Variants in INTS10 observed in about 807,000 individuals in gnomAD.
INTS10 encodes the protein integrator complex subunit 10.
In INTS10, 44 loss-of-function variants were observed where a neutral mutation model predicts 94.4. That is an observed-to-expected ratio of 0.47 (90% CI 0.37 to 0.60). The LOEUF (loss-of-function observed/expected upper bound fraction) is 0.60. Among genes scored for constraint, INTS10 ranks in the 20% least tolerant of loss-of-function variants. The pLI, the probability that INTS10 is intolerant of heterozygous loss-of-function variation, is 0.00. For missense variants in INTS10, 797 were observed against 868.7 expected, an observed-to-expected ratio of 0.92 and a Z score of 1.04; for synonymous variants, 341 against 320.7, an observed-to-expected ratio of 1.06 and a Z score of -0.68.
chr8:19,835,813 G>A lies in INTS10; in HGVS notation c.1531-1239G>A, dbSNP rs573003617. Among the ~76,000 whole-genome samples, 5 of 152,308 alleles carry A rather than the reference G, an allele frequency of 3.3e-5. No individual in the cohort carries two copies. In the South Asian group the frequency reaches 1.0e-3, roughly 32 times the overall value. On this transcript the variant is annotated intron_variant, in intron 12 of 16. Coordinates refer to ENST00000397977, the MANE Select transcript of INTS10 (RefSeq NM_018142.4). ...TTGGGGCAGTCAGCCATGACCTAGG[G>A]CTGCTGGGGCCACCCAAGGTCAATT... is the stretch of plus-strand genomic sequence containing the variant.
At chr8:19,845,296 C>T (rs1320924627) in intron 15 of INTS10, 1 of 162,720 alleles carries the variant, frequency 6.1e-6, no homozygotes, top group Non-Finnish European at 1.4e-5. Context: ...ACCAAAGAAT[C>T]CTCCCTACTT....
At chr8:19,840,062 C>CAAAAAAA (rs56275270) in intron 13 of INTS10, among the ~76,000 whole-genome samples, 4 of 70,334 alleles carry the variant, frequency 5.7e-5, no homozygotes, top group Non-Finnish European at 7.6e-5. Context: ...GACCTTGTCT[C>CAAAAAAA]AAAAAAAAAA....
At chr8:19,848,731 A>G (rs2068777564) in intron 16 of INTS10, 1 of 152,752 alleles carries the variant, frequency 6.5e-6, no homozygotes, top group Non-Finnish European at 1.5e-5. Context: ...AGTCCTGTTA[A>G]AGATGGTTAC....
chr8:19,817,463 G>A lies in INTS10; in HGVS notation c.-75G>A. On this transcript the variant is annotated 5_prime_UTR_variant, in exon 1 of 17. Coordinates refer to ENST00000397977, the MANE Select transcript of INTS10 (RefSeq NM_018142.4). The stretch of plus-strand genomic sequence containing the variant: ...CGCGGTGGCGGCGGCGGCGGCGGTG[G>A]CTGCCGTGGCGGCTGAGAGTCCAGA... 1 of 1,540,258 alleles carries A rather than the reference G, an allele frequency of 6.5e-7. No individual in the cohort carries two copies. The highest frequency in any genetic ancestry group is 2.0e-5 in the Admixed American group (1 of 50,002).
chr8:19,823,122 C>T (rs2066515786), intron 5 of INTS10, among the ~76,000 whole-genome samples, 179 bp from the exon 6 acceptor site: 2 of 152,158 alleles, frequency 1.3e-5, no homozygotes, highest in South Asian at 4.1e-4. Flanking sequence ...TGTTTCCTCC[C>T]TGACTCCAGC....
At chr8:19,830,845 T>G (rs942820770) in intron 10 of INTS10, among the ~76,000 whole-genome samples, 1 of 152,194 alleles carries the variant, frequency 6.6e-6, no homozygotes, top group African/African-American at 2.4e-5. Flanking sequence ...GCTAACTTTT[T>G]GTATTTTTAG....
chr8:19,819,577 G>A lies in INTS10; in HGVS notation c.202G>A (p.Val68Met). 2 of 1,608,796 alleles carry A rather than the reference G, an allele frequency of 1.2e-6. No homozygotes were observed. The highest frequency in any genetic ancestry group is 1.7e-5 in the Admixed American group (1 of 59,922). Residue 68 changes from valine (V) to methionine (M), a missense_variant, in exon 3 of 17, where the codon GTG becomes ATG. Around this residue, in one of 3 missense-constraint regions of INTS10, gnomAD observed 734 missense variants for 787.8 expected, o/e 0.93. Transcript: ENST00000397977. Reference sequence around the variant, plus strand: ...ATGTATTTATTTTAAAAATAGGTTTGTGAATTTCCCAGACCAGCCGGTGGT... The same window carrying A: ...ATGTATTTATTTTAAAAATAGGTTTATGAATTTCCCAGACCAGCCGGTGGT... ...TAGRLLYDMF[V>M]NFPDQPVVWR...
rs1392671911 is a variant in INTS10 at position 19,849,672 on chromosome 8, A to G, written c.1977-1977A>G. On this transcript the variant is annotated intron_variant, in intron 16 of 16. Transcript: ENST00000397977. The surrounding 1 kb of genome is among the most constrained non-coding windows in gnomAD (Gnocchi z 4.6). ...TCATATTAGCAATTAGTTGCCTGGTATCTAAATAGGCACTAATGTGTTTTT... is the reference window on the plus strand; with the variant it reads ...TCATATTAGCAATTAGTTGCCTGGTGTCTAAATAGGCACTAATGTGTTTTT... Among the ~76,000 whole-genome samples the G allele has an allele frequency of 6.6e-6, 1 of 152,192 alleles. No homozygotes were observed. The highest frequency in any genetic ancestry group is 1.5e-5 in the Non-Finnish European group (1 of 68,034).
rs908907041 is a variant in INTS10, at chr8:19,820,379, G to C, written c.302G>C (p.Ser101Thr). ...TAAAAGTGAAATATGTTTCGTACAGGTTTATTTGAAACTCTTCCTGGTCGG... is the reference window on the plus strand; with the variant it reads ...TAAAAGTGAAATATGTTTCGTACAGCTTTATTTGAAACTCTTCCTGGTCGG... ...SQDKQTQFLR[S>T]LFETLPGRVQ... The change falls in exon 4 of 17, where the codon AGT becomes ACT. Residue 101 changes from serine to threonine, a missense_variant and splice_region_variant. This residue lies in a region of INTS10 where 734 missense variants were observed against 787.8 expected (regional missense o/e 0.93). Coordinates refer to ENST00000397977, the MANE Select transcript of INTS10 (RefSeq NM_018142.4). The C allele has an allele frequency of 6.2e-7, 1 of 1,608,672 alleles. No homozygotes were observed. The highest frequency in any genetic ancestry group is 8.5e-7 in the Non-Finnish European group (1 of 1,176,768).
At position 19,840,327 on chromosome 8, in the gene INTS10, A is replaced by G. The variant is rs894236120; in HGVS notation, c.1640-2521A>G. Among the ~76,000 whole-genome samples the G allele has an allele frequency of 5.3e-5, 8 of 152,192 alleles. No individual in the cohort carries two copies. In the South Asian group the frequency reaches 8.3e-4, roughly 16 times the overall value. The stretch of plus-strand genomic sequence containing the variant: ...TCATGTTTCTATATCAGAAGATTCA[A>G]TATTATTATGGTGCCAGTTCTCCCC... On this transcript the variant is annotated intron_variant, in intron 13 of 16. Transcript: ENST00000397977.
At chr8:19,836,628 T>A (rs2067684622) in intron 12 of INTS10, among the ~76,000 whole-genome samples, 1 of 152,220 alleles carries the variant, frequency 6.6e-6, no homozygotes, top group African/African-American at 2.4e-5. Flanking sequence ...CCTGTGTGTA[T>A]TTTCTCCTGC....
rs757467559 is a variant in INTS10 at position 19,844,162 on chromosome 8, T to A, written c.1806T>A (p.Asn602Lys). 3 of 1,613,914 alleles carry A rather than the reference T, an allele frequency of 1.9e-6. No individual in the cohort carries two copies. The South Asian group carries it at 3.3e-5, about 18-fold the overall frequency. The part of the protein sequence containing the change: ...LLQQEWPRGE[N>K]LFLKAVNKIC... ...AGCAAGAGTGGCCACGGGGCGAGAATCTTTTCCTGAAAGCTGTCAATAAAA... is the reference window on the plus strand; with the variant it reads ...AGCAAGAGTGGCCACGGGGCGAGAAACTTTTCCTGAAAGCTGTCAATAAAA... The change falls in exon 15 of 17, where the codon AAT becomes AAA. Residue 602 changes from asparagine (N) to lysine (K), a missense_variant. Asn to Lys is a moderately conservative substitution (Grantham distance 94). Around this residue, in one of 3 missense-constraint regions of INTS10, gnomAD observed 734 missense variants for 787.8 expected, o/e 0.93. Coordinates refer to ENST00000397977, the MANE Select transcript of INTS10 (RefSeq NM_018142.4).
chr8:19,835,348 C>T (rs892894342), intron 12 of INTS10, among the ~76,000 whole-genome samples: 4 of 152,072 alleles, frequency 2.6e-5, no homozygotes, highest in Non-Finnish European at 5.9e-5. Flanking sequence ...GTGTTGAATC[C>T]CGCTGTTGGC....
chr8:19,824,992 A>G lies in INTS10; in HGVS notation c.1006+20A>G. On this transcript the variant is annotated intron_variant, in intron 8 of 16. Transcript: ENST00000397977. ...TCCAAGGTTGGTTTACAAATTTTAG[A>G]GTGTCCAAAAAGCCAGTTCATACTG... 6.2e-7 allele frequency: 1 copy of G among 1,609,128 alleles called. No homozygotes were observed. The highest frequency in any genetic ancestry group is 8.5e-7 in the Non-Finnish European group (1 of 1,176,208).
At chr8:19,832,833 A>G (rs562930890) in intron 11 of INTS10, among the ~76,000 whole-genome samples, 2 of 152,304 alleles carry the variant, frequency 1.3e-5, no homozygotes, top group African/African-American at 4.8e-5. Flanking sequence ...TTCATAAAGG[A>G]GAAGTGGTGC....
chr8:19,824,839 C>T lies in INTS10; in HGVS notation c.873C>T (p.Leu291=). The T allele has an allele frequency of 1.9e-6, 3 of 1,612,178 alleles. No homozygotes were observed. Among genetic ancestry groups the T allele is most frequent in the East Asian group, 2.2e-5 (1 of 44,838 alleles). Residue 291 remains leucine (L), a synonymous_variant, in exon 8 of 17, where the codon CTC becomes CTT. Coordinates refer to ENST00000397977, the MANE Select transcript of INTS10 (RefSeq NM_018142.4). ...YGDILHRMKD[L]CRYMNNFDSE... ...ATATTTTGCATAGAATGAAGGATCT[C>T]TGCAGATACATGAACAACTTTGATA...
intron 13 of INTS10, among the ~76,000 whole-genome samples, chr8:19,839,391 A>C (rs960720459): frequency 3.3e-5 from 5 of 151,852 alleles, no homozygotes; most frequent in Non-Finnish European, 7.4e-5. Flanking sequence ...GACAAATATG[A>C]GTACCTTTAT....
At chr8:19,840,406 G>A (rs954283205) in intron 13 of INTS10, among the ~76,000 whole-genome samples, 2 of 152,068 alleles carry the variant, frequency 1.3e-5, no homozygotes, top group Non-Finnish European at 2.9e-5. Flanking sequence ...CAGACTTTAC[G>A]GTTTTTGGTG....
rs1297037672 is a variant in INTS10 at position 19,830,485 on chromosome 8, C to T, written c.1220C>T (p.Thr407Ile). The change falls in exon 10 of 17, where the codon ACT becomes ATT. Residue 407 changes from threonine (T) to isoleucine (I), a missense_variant. Thr to Ile is a moderately conservative substitution (Grantham distance 89). This residue lies in a region of INTS10 where 734 missense variants were observed against 787.8 expected (regional missense o/e 0.93). Transcript: ENST00000397977. ...AATAAAGCCGAACTTGCTAACTCCA[C>T]TGAAGTGTTAGAAAGCTTTAAATTG... ...VVNKAELANSTEVLESFKLAR... is the reference protein window; with the variant it reads ...VVNKAELANSIEVLESFKLAR... 1 of 1,614,064 alleles carries T rather than the reference C, an allele frequency of 6.2e-7. No homozygotes were observed. The highest frequency in any genetic ancestry group is 1.7e-5 in the Admixed American group (1 of 60,024).
Sources: allele counts gnomAD v4.1 joint callset (sites outside exome capture counted in the v4.1 genomes callset), GRCh38; gene constraint gnomAD v4.1.1; regional missense constraint gnomAD v4.1.1; non-coding constraint Gnocchi (gnomAD v3.1); transcripts MANE v1.5; gene names NCBI Gene and HGNC (gene_info 2026-07-23, HGNC 2026-07-21).